Variants in ASTN1 observed in about 807,000 individuals in gnomAD.
ASTN1 encodes the protein astrotactin 1, also known as astrotactin-1.
ASTN1 carries 41 observed loss-of-function variants against 140.7 expected under a neutral mutation model. That is an observed-to-expected ratio of 0.29 (90% CI 0.23 to 0.38). ASTN1 has a LOEUF of 0.38. Among genes scored for constraint, ASTN1 ranks in the 10% least tolerant of loss-of-function variants. The pLI is 1.00. For synonymous variants in ASTN1, 640 were observed against 652.2 expected, an observed-to-expected ratio of 0.98 and a Z score of 0.29; for missense variants, 1,479 against 1,678.8, an observed-to-expected ratio of 0.88 and a Z score of 2.08.
At chr1:176,912,796 G>A (rs1190073143) in intron 16 of ASTN1, among the ~76,000 whole-genome samples, 1 of 152,214 alleles carries the variant, frequency 6.6e-6, no homozygotes, top group Non-Finnish European at 1.5e-5. Context: ...CAAAGAATAT[G>A]AGGCTTGCTA....
intron 1 of ASTN1, among the ~76,000 whole-genome samples, chr1:177,137,836 T>C (rs375256575): frequency 1.4e-3 from 220 of 152,296 alleles, no homozygotes; most frequent in African/African-American, 5.0e-3. Context: ...GGAAAGTCCA[T>C]TAATAAAATG....
At chr1:176,905,498 A>C (rs1669947217) in intron 16 of ASTN1, among the ~76,000 whole-genome samples, 1 of 152,216 alleles carries the variant, frequency 6.6e-6, no homozygotes, top group Non-Finnish European at 1.5e-5. Context: ...CTGTTTTTAA[A>C]ATGGATTTGG....
chr1:176,964,247 G>C (rs1571575682), intron 9 of ASTN1, among the ~76,000 whole-genome samples: 1 of 152,150 alleles, frequency 6.6e-6, no homozygotes, highest in African/African-American at 2.4e-5. Flanking sequence ...TCTTCCATTT[G>C]TCCTACGCTG....
At chr1:177,072,719 A>G (rs1678702067) in intron 1 of ASTN1, among the ~76,000 whole-genome samples, 1 of 152,214 alleles carries the variant, frequency 6.6e-6, no homozygotes, top group Non-Finnish European at 1.5e-5. Context: ...GGCTGGTAAT[A>G]AGAAACAGGA....
At chr1:177,136,363 T>TTG (rs1553260621) in intron 1 of ASTN1, among the ~76,000 whole-genome samples, 2 of 150,924 alleles carry the variant, frequency 1.3e-5, no homozygotes, top group African/African-American at 4.9e-5. Flanking sequence ...CCTTTTTTTT[T>TTG]TTTTTTTGAG....
At chr1:176,943,343 G>C (rs560160912) in intron 14 of ASTN1, among the ~76,000 whole-genome samples, 1 of 152,216 alleles carries the variant, frequency 6.6e-6, no homozygotes, top group South Asian at 2.1e-4. Flanking sequence ...CAATACTGAG[G>C]GGCAGGCATT....
chr1:176,900,708 C>A (rs543968421), intron 16 of ASTN1, among the ~76,000 whole-genome samples: 1 of 152,278 alleles, frequency 6.6e-6, no homozygotes, highest in South Asian at 2.1e-4. Context: ...AATAACTGAA[C>A]TGATTTAGTA....
chr1:177,115,697 A>G (rs1420685697), intron 1 of ASTN1, among the ~76,000 whole-genome samples: 2 of 150,754 alleles, frequency 1.3e-5, no homozygotes, highest in Non-Finnish European at 3.0e-5. Context: ...TAAATAAATA[A>G]ATGTCATGAA....
chr1:177,084,776 C>G (rs1437907455), intron 1 of ASTN1, among the ~76,000 whole-genome samples: 6 of 152,048 alleles, frequency 3.9e-5, no homozygotes, highest in African/African-American at 1.4e-4. Context: ...TTACAAAATA[C>G]TTTTGACCTT....
At chr1:177,117,237 A>C (rs556060663) in intron 1 of ASTN1, among the ~76,000 whole-genome samples, 93 of 152,212 alleles carry the variant, frequency 6.1e-4, no homozygotes, top group Admixed American at 2.2e-3. Flanking sequence ...CAAGTCCTCC[A>C]GCTTTCCTCA....
chr1:177,081,914 G>A (rs563903000), intron 1 of ASTN1, among the ~76,000 whole-genome samples: 67 of 152,234 alleles, frequency 4.4e-4, no homozygotes, highest in African/African-American at 1.6e-3. Context: ...GAAAGGGGAG[G>A]AATTAGCAGA....
chr1:177,053,557 T>C (rs1161894358), intron 2 of ASTN1, among the ~76,000 whole-genome samples: 1 of 152,206 alleles, frequency 6.6e-6, no homozygotes, highest in Non-Finnish European at 1.5e-5. Context: ...ATCTACTTAG[T>C]AGCTAAAAAA....
chr1:176,915,596 C>T (rs1289538265), intron 16 of ASTN1, among the ~76,000 whole-genome samples: 3 of 152,190 alleles, frequency 2.0e-5, no homozygotes, highest in Non-Finnish European at 4.4e-5. Context: ...TTGGCATTCA[C>T]CTGCTGTCGT....
At chr1:177,126,646 C>G (rs1681664351) in intron 1 of ASTN1, among the ~76,000 whole-genome samples, 1 of 152,172 alleles carries the variant, frequency 6.6e-6, no homozygotes, top group Admixed American at 6.5e-5. Context: ...TTTGGCAAAG[C>G]AAATGTGCAT....
chr1:177,098,624 T>C (rs770912090), intron 1 of ASTN1, among the ~76,000 whole-genome samples: 1 of 151,480 alleles, frequency 6.6e-6, no homozygotes, highest in Non-Finnish European at 1.5e-5. Flanking sequence ...ACACTAAGCA[T>C]ATGGAAGAAA....
rs185774535 is a variant in ASTN1, at chr1:176,957,074, T to C, written c.1887+604A>G. Among the ~76,000 whole-genome samples, 91 of 139,092 alleles carry C rather than the reference T, an allele frequency of 6.5e-4. 1 individual carries two copies. The highest frequency in any genetic ancestry group is 5.7e-4 in the Non-Finnish European group (38 of 66,742). 91.2% of individuals were successfully genotyped at this position (139,092 alleles called of 152,430 possible). A position where few individuals can be genotyped will look rare whatever the true frequency, so the allele number is the denominator to read the frequency against. Reference sequence around the variant, plus strand: ...TGCCATGCCCAGCAAATTTATTCCATTTTTTTTTTGTAGAGACGAGGGTCT... The same window carrying C: ...TGCCATGCCCAGCAAATTTATTCCACTTTTTTTTTGTAGAGACGAGGGTCT... On this transcript the variant is annotated intron_variant, in intron 11 of 22. Transcript: ENST00000361833.
chr1:177,142,247 T>C (rs771019654), intron 1 of ASTN1, among the ~76,000 whole-genome samples: 10 of 152,130 alleles, frequency 6.6e-5, no homozygotes, highest in Admixed American at 1.3e-4. Flanking sequence ...GTGGTCAGCA[T>C]GTGGCTCAGT....
intron 8 of ASTN1, among the ~76,000 whole-genome samples, chr1:177,007,332 C>A (rs893128222): frequency 3.9e-5 from 6 of 151,934 alleles, no homozygotes; most frequent in African/African-American, 1.5e-4. Context: ...GTGAAGGTTG[C>A]GTGAGCCAAG....
At chr1:176,945,875 G>A in intron 13 of ASTN1, 51 bp downstream of exon 13, 1 of 1,516,162 alleles carries the variant, frequency 6.6e-7, no homozygotes, top group Non-Finnish European at 8.9e-7. Flanking sequence ...ACTCTTTAGA[G>A]AAAGTCCACC....
Sources: allele counts gnomAD v4.1 joint callset (sites outside exome capture counted in the v4.1 genomes callset), GRCh38; gene constraint gnomAD v4.1.1; transcripts MANE v1.5; gene names NCBI Gene and HGNC (gene_info 2026-07-23, HGNC 2026-07-21).